CAPS2: variants seen among roughly 807,000 people sequenced by gnomAD.
CAPS2 encodes the protein calcyphosine 2.
CAPS2 carries 98 observed loss-of-function variants against 86.5 expected under a neutral mutation model. That is an observed-to-expected ratio of 1.13 (90% CI 0.96 to 1.34). The LOEUF is 1.34. Among genes scored for constraint, CAPS2 ranks in the 40% most tolerant of loss-of-function variants. CAPS2 has a pLI of 0.00. For synonymous variants in CAPS2, 210 were observed against 225.1 expected (o/e 0.93, Z 0.60); for missense variants, 729 against 686.8 (o/e 1.06, Z -0.69).
At chr12:75,317,969 A>G (rs935196394) in intron 5 of CAPS2, 5 of 152,070 alleles carry the variant, frequency 3.3e-5, no homozygotes, top group Non-Finnish European at 7.4e-5. Flanking sequence ...GAAAGTTCAC[A>G]TCTGTTCACC....
At chr12:75,384,625 A>C (rs749121071) in intron 1 of CAPS2, among the ~76,000 whole-genome samples, 2 of 152,222 alleles carry the variant, frequency 1.3e-5, no homozygotes, top group Non-Finnish European at 2.9e-5. Context: ...AGATAAAAGC[A>C]AACAGAATAC....
chr12:75,338,818 T>C (rs1289907194), intron 1 of CAPS2, among the ~76,000 whole-genome samples: 1 of 139,070 alleles, frequency 7.2e-6, no homozygotes, highest in Non-Finnish European at 1.7e-5. Flanking sequence ...GTTCTCATTG[T>C]TCAGCTCCCA....
rs565635902 is a variant in CAPS2 at position 75,341,098 on chromosome 12, C to T, written c.-394-17876G>A. 3.3e-5 allele frequency among the ~76,000 whole-genome samples: 5 copies of T among 151,954 alleles called. No homozygotes were observed. In the South Asian group the frequency reaches 1.0e-3, roughly 32 times the overall value. The stretch of plus-strand genomic sequence containing the variant: ...AGACTTGCAATTGCACTTCTGGGCA[C>T]TTTTTCCTTTTTCTTTTTTCCTAGA... On this transcript the variant is annotated intron_variant, in intron 1 of 5. Transcript: ENST00000551829.
chr12:75,298,463 T>A, intron 11 of CAPS2: 2 of 483,178 alleles, frequency 4.1e-6, no homozygotes, highest in Non-Finnish European at 3.7e-6. Flanking sequence ...GGAAGGGGGG[T>A]GTTACAGAAA....
At chr12:75,276,261 T>C (rs938186933), downstream of CAPS2, 3 of 1,540,114 alleles carry the variant, frequency 1.9e-6, no homozygotes, top group Admixed American at 4.0e-5. Flanking sequence ...GTAGTGATTA[T>C]AGTTTATCAG....
intron 1 of CAPS2, among the ~76,000 whole-genome samples, chr12:75,336,426 A>G (rs1364374867): frequency 1.3e-5 from 2 of 151,838 alleles, no homozygotes; most frequent in Non-Finnish European, 3.0e-5. Context: ...ATGCTTTTGT[A>G]ACAGAAACAT....
intron 1 of CAPS2, among the ~76,000 whole-genome samples, chr12:75,380,731 C>T (rs983899527): frequency 6.6e-6 from 1 of 152,074 alleles, no homozygotes; most frequent in African/African-American, 2.4e-5. Flanking sequence ...CATCTAATAA[C>T]TTATATAATT....
At chr12:75,310,274 AT>A (rs2039000689) in intron 7 of CAPS2, among the ~76,000 whole-genome samples, 1 of 152,238 alleles carries the variant, frequency 6.6e-6, no homozygotes. Flanking sequence ...GGCATCATAA[AT>A]TTATTTATGG....
chr12:75,281,992 T>C (rs1337657099), intron 16 of CAPS2, among the ~76,000 whole-genome samples: 1 of 152,132 alleles, frequency 6.6e-6, no homozygotes, highest in African/African-American at 2.4e-5. Context: ...TCATTCTTTT[T>C]AACTTAAATC....
At chr12:75,277,962 G>T in exon 17 of CAPS2, 1 of 866,198 alleles carries the variant, frequency 1.2e-6, no homozygotes, top group Non-Finnish European at 1.4e-6. Context: ...TAAAACAGAT[G>T]TTTAGAATAT....
intron 15 of CAPS2, among the ~76,000 whole-genome samples, chr12:75,283,999 T>G (rs2034442184): frequency 6.6e-6 from 1 of 152,140 alleles, no homozygotes; most frequent in Non-Finnish European, 1.5e-5. Context: ...TTCTATTATT[T>G]CAGTCATCTA....
chr12:75,309,897 T>A (rs190953951), intron 7 of CAPS2, among the ~76,000 whole-genome samples: 1 of 152,368 alleles, frequency 6.6e-6, no homozygotes, highest in East Asian at 1.9e-4. Context: ...GTTAGAGTTA[T>A]AAGAAATCTT....
At chr12:75,355,271 G>C (rs928820176) in intron 1 of CAPS2, among the ~76,000 whole-genome samples, 5 of 151,632 alleles carry the variant, frequency 3.3e-5, no homozygotes, top group African/African-American at 7.3e-5. Flanking sequence ...AGGAACTTAA[G>C]TAAACTTACA....
At chr12:75,332,743 A>G (rs1247246107), upstream of CAPS2, among the ~76,000 whole-genome samples, 1 of 152,234 alleles carries the variant, frequency 6.6e-6, no homozygotes, top group East Asian at 1.9e-4. Context: ...CTAGAGATGT[A>G]GCAATGAAGA....
intron 15 of CAPS2, among the ~76,000 whole-genome samples, chr12:75,283,761 C>T (rs2034388169): frequency 6.6e-6 from 1 of 152,098 alleles, no homozygotes; most frequent in African/African-American, 2.4e-5. Flanking sequence ...TTGCAGTGAA[C>T]CAAGATCACA....
At chr12:75,340,780 A>C (rs2042050847) in intron 1 of CAPS2, among the ~76,000 whole-genome samples, 1 of 152,050 alleles carries the variant, frequency 6.6e-6, no homozygotes, top group Non-Finnish European at 1.5e-5. Flanking sequence ...CAGAAGACTG[A>C]CATTTAGCCA....
chr12:75,316,262 G>A, intron 6 of CAPS2, 50 bp downstream of exon 6: 2 of 1,540,636 alleles, frequency 1.3e-6, no homozygotes, highest in African/African-American at 1.4e-5. Context: ...ATCTTAGAAA[G>A]CAAATAAGAT....
intron 1 of CAPS2, among the ~76,000 whole-genome samples, chr12:75,378,737 T>A (rs1346798749): frequency 6.6e-6 from 1 of 152,162 alleles, no homozygotes; most frequent in African/African-American, 2.4e-5. Context: ...GATTATAAAT[T>A]TTAATCACAT....
At chr12:75,346,929 TTTTG>T (rs1174305723) in intron 1 of CAPS2, among the ~76,000 whole-genome samples, 6 of 152,248 alleles carry the variant, frequency 3.9e-5, no homozygotes, top group South Asian at 4.1e-4. Context: ...TTTTTCCCTT[TTTTG>T]TTTATTTGGA....
Sources: gnomAD v4.1 joint callset for allele counts (sites outside exome capture counted in the v4.1 genomes callset) on GRCh38, gnomAD v4.1.1 for gene constraint, MANE v1.5 for transcripts, NCBI Gene and HGNC (gene_info 2026-07-23, HGNC 2026-07-21) for gene names.